The following UGP2 variants were observed in gnomAD, a reference collection of about 807,000 sequenced individuals.
UGP2 encodes UTP--glucose-1-phosphate uridylyltransferase.
In UGP2, 40 loss-of-function variants were observed where a neutral mutation model predicts 49.0. That is an observed-to-expected ratio of 0.82 (90% CI 0.63 to 1.06). The LOEUF (loss-of-function observed/expected upper bound fraction) is 1.06, where lower values mean the gene tolerates loss of function less well. UGP2 is among the 50% of genes least tolerant of loss of function. UGP2 has a pLI of 0.00. For missense variants in UGP2, 460 were observed against 603.5 expected, an observed-to-expected ratio of 0.76 and a Z score of 2.49; for synonymous variants, 225 against 213.0, an observed-to-expected ratio of 1.06 and a Z score of -0.49.
At chr2:63,862,730 ATAC>A in intron 3 of UGP2, 1 of 444,524 alleles carries the variant, frequency 2.2e-6, no homozygotes, top group Non-Finnish European at 4.5e-6. Context: ...TTAGGTGGTA[ATAC>A]TACTATTTGA....
chr2:63,862,753 G>C (rs540990772), intron 3 of UGP2: 13 of 452,312 alleles, frequency 2.9e-5, no homozygotes, highest in African/African-American at 2.6e-4. Flanking sequence ...AACATTGCCA[G>C]TCCCTCCAAT....
At chr2:63,850,263 A>C (rs1398856358) in intron 1 of UGP2, among the ~76,000 whole-genome samples, 1 of 152,186 alleles carries the variant, frequency 6.6e-6, no homozygotes, top group Non-Finnish European at 1.5e-5. Flanking sequence ...GCTGCTCTGC[A>C]TATTTGTTGC....
intron 2 of UGP2, 75 bp from the exon 3 acceptor site, chr2:63,857,754 A>G (rs192991945): frequency 5.8e-5 from 80 of 1,388,462 alleles, no homozygotes; most frequent in East Asian, 3.5e-4. Flanking sequence ...TAAATGTGTA[A>G]CTTGTATCTG....
intron 3 of UGP2, among the ~76,000 whole-genome samples, chr2:63,872,637 G>T (rs1014889741): frequency 6.6e-6 from 1 of 151,984 alleles, no homozygotes; most frequent in Non-Finnish European, 1.5e-5. Context: ...TTTAAAAGGA[G>T]GCTTTTTGTC....
At chr2:63,858,014 A>AG (rs1669567053) in intron 3 of UGP2, 78 bp downstream of exon 3, 2 of 1,299,484 alleles carry the variant, frequency 1.5e-6, no homozygotes, top group East Asian at 4.7e-5. Flanking sequence ...TGGGTAGTGT[A>AG]GGGGACCTAT....
Position 63,842,503 on chromosome 2 carries a change from A to T in UGP2, c.19+299A>T, listed in dbSNP as rs1382583091. The T allele has an allele frequency of 1.4e-5, 22 of 1,536,054 alleles. No individual in the cohort carries two copies. The East Asian group carries it at 5.4e-4, about 38-fold the overall frequency. On this transcript the variant is annotated intron_variant, in intron 1 of 9. Transcript: ENST00000337130. ...GATAAAACAGGATTTTTGGCTGCTA[A>T]TTAATCCTTGTTCTCTTTTCCTGGT...
At chr2:63,877,471 C>T (rs908697827) in intron 3 of UGP2, among the ~76,000 whole-genome samples, 1 of 152,236 alleles carries the variant, frequency 6.6e-6, no homozygotes, top group South Asian at 2.1e-4. Context: ...AATACTTTCT[C>T]ATTTATATTA....
chr2:63,866,696 A>G (rs952194486), intron 3 of UGP2, among the ~76,000 whole-genome samples: 1 of 152,206 alleles, frequency 6.6e-6, no homozygotes, highest in Non-Finnish European at 1.5e-5. Context: ...CTCCTGGAGA[A>G]TAAGAATGCA....
intron 1 of UGP2, among the ~76,000 whole-genome samples, chr2:63,851,367 T>C (rs1462798026): frequency 1.3e-5 from 2 of 152,170 alleles, no homozygotes; most frequent in African/African-American, 2.4e-5. Flanking sequence ...AATTGGGGTT[T>C]TGAGGGGTGT....
chr2:63,854,159 A>G (rs968267693), intron 1 of UGP2, among the ~76,000 whole-genome samples: 3 of 152,194 alleles, frequency 2.0e-5, no homozygotes, highest in Non-Finnish European at 4.4e-5. Flanking sequence ...CTGCTCTGTG[A>G]CCTTGGATAA....
intron 1 of UGP2, chr2:63,855,520 G>GTTTTTTTTTTTTTTGT (rs1669336604): frequency 5.3e-6 from 1 of 187,728 alleles, no homozygotes; most frequent in Non-Finnish European, 1.0e-5. Flanking sequence ...TTCTTTTTCT[G>GTTTTTTTTTTTTTTGT]TTTTTTTTTT....
chr2:63,883,831 A>C, intron 4 of UGP2, 129 bp from the exon 5 acceptor site: 1 of 1,205,540 alleles, frequency 8.3e-7, no homozygotes, highest in Non-Finnish European at 1.1e-6. Flanking sequence ...TTTTTGTCAA[A>C]TCTGTATATT....
intron 3 of UGP2, 85 bp downstream of exon 3, chr2:63,858,021 C>A: frequency 2.5e-6 from 3 of 1,206,192 alleles, no homozygotes; most frequent in Non-Finnish European, 2.4e-6. Flanking sequence ...TGTAGGGGAC[C>A]TATAACAATC....
chr2:63,882,320 G>C, intron 3 of UGP2, 146 bp from the exon 4 acceptor site: 1 of 638,722 alleles, frequency 1.6e-6, no homozygotes, highest in Non-Finnish European at 2.4e-6. Context: ...AACCACAAGG[G>C]CCTATGACAT....
At chr2:63,873,179 C>T (rs1300419436) in intron 3 of UGP2, among the ~76,000 whole-genome samples, 1 of 152,192 alleles carries the variant, frequency 6.6e-6, no homozygotes, top group African/African-American at 2.4e-5. Context: ...TGGAAGCTTG[C>T]TTTTGAGCAC....
At chr2:63,880,743 C>G (rs915901316) in intron 3 of UGP2, among the ~76,000 whole-genome samples, 3 of 152,100 alleles carry the variant, frequency 2.0e-5, no homozygotes, top group Non-Finnish European at 2.9e-5. Context: ...GTTATCACCC[C>G]TGCGTTGTCC....
intron 6 of UGP2, among the ~76,000 whole-genome samples, 187 bp from the exon 7 acceptor site, chr2:63,886,154 G>A (rs566921664): frequency 2.6e-5 from 4 of 152,050 alleles, no homozygotes; most frequent in Non-Finnish European, 5.9e-5. Flanking sequence ...TTTCAGTAAA[G>A]TTGTCCAAAC....
intron 7 of UGP2, 69 bp from the exon 8 acceptor site, chr2:63,887,333 C>T: frequency 1.3e-6 from 2 of 1,565,076 alleles, no homozygotes; most frequent in Non-Finnish European, 1.7e-6. Flanking sequence ...TATTAACTAA[C>T]CTACATGGAA....
At chr2:63,871,223 C>G (rs34512058) in intron 3 of UGP2, among the ~76,000 whole-genome samples, 26,703 of 152,124 alleles carry the variant, frequency 0.18, 3,145 homozygotes, top group Non-Finnish European at 0.24. Flanking sequence ...CTCCCCTAAT[C>G]CCCTGGCAAG....
Sources: allele counts gnomAD v4.1 joint callset (sites outside exome capture counted in the v4.1 genomes callset), GRCh38; gene constraint gnomAD v4.1.1; transcripts MANE v1.5; gene names NCBI Gene and HGNC (gene_info 2026-07-23, HGNC 2026-07-21).